GARIN1A: variants seen among roughly 807,000 people sequenced by gnomAD.
GARIN1A encodes Golgi-associated RAB2 interactor protein 1A.
At chr7:128,676,811 A>T in the GARIN1A span, among the ~76,000 whole-genome samples, 20 of 152,172 alleles carry the variant, frequency 1.3e-4, no homozygotes, top group African/African-American at 4.3e-4. Flanking sequence ...ACTTAATAAG[A>T]TCTAAACTTG....
At chr7:128,673,439 A>G in the GARIN1A span, among the ~76,000 whole-genome samples, 139 of 152,326 alleles carry the variant, frequency 9.1e-4, no homozygotes, top group African/African-American at 3.2e-3. Flanking sequence ...CCATTCTTTG[A>G]GAGACTGCTG....
the GARIN1A span, chr7:128,672,690 A>C: frequency 1.4e-6 from 1 of 740,324 alleles, no homozygotes; most frequent in Non-Finnish European, 2.2e-6. Context: ...AAGCTAGAGA[A>C]AACCAGAAGG....
the GARIN1A span, among the ~76,000 whole-genome samples, chr7:128,704,306 AC>A: frequency 8.6e-6 from 1 of 116,510 alleles, no homozygotes; most frequent in African/African-American, 3.1e-5. Flanking sequence ...AGTTAGAGTA[AC>A]CTTTTTTTTT....
chr7:128,688,929 T>C, the GARIN1A span, among the ~76,000 whole-genome samples: 1 of 151,006 alleles, frequency 6.6e-6, no homozygotes, highest in Non-Finnish European at 1.5e-5. Context: ...GCCTGCCGAG[T>C]GCCTGCGATT....
At chr7:128,677,932 A>G in the GARIN1A span, 1 of 850,634 alleles carries the variant, frequency 1.2e-6, no homozygotes, top group Non-Finnish European at 1.7e-6. Context: ...TGTAAATATC[A>G]TTTTGATAAT....
chr7:128,671,640 T>A, the GARIN1A span, among the ~76,000 whole-genome samples: 1 of 104,522 alleles, frequency 9.6e-6, no homozygotes, highest in Non-Finnish European at 1.9e-5. Context: ...AGCAAAACTC[T>A]GTCTCAAAAA....
At chr7:128,689,740 G>A in the GARIN1A span, among the ~76,000 whole-genome samples, 24,859 of 104,590 alleles carry the variant, frequency 0.24, 3,756 homozygotes, top group Middle Eastern at 0.36. Context: ...CGGGAGGGAG[G>A]TGGGGGTCAG....
chr7:128,695,790 C>T, the GARIN1A span, among the ~76,000 whole-genome samples: 5 of 152,066 alleles, frequency 3.3e-5, no homozygotes, highest in African/African-American at 7.2e-5. The surrounding 1 kb of genome is among the most constrained non-coding windows in gnomAD (Gnocchi z 4.5). Flanking sequence ...GTGATCTGTC[C>T]GCCTCGGCCT....
chr7:128,676,592 GTTTC>G, the GARIN1A span, among the ~76,000 whole-genome samples: 1 of 151,860 alleles, frequency 6.6e-6, no homozygotes, highest in Non-Finnish European at 1.5e-5. Context: ...ATTTAGAAAT[GTTTC>G]TTTGTCAATA....
the GARIN1A span, among the ~76,000 whole-genome samples, chr7:128,676,486 C>T: frequency 1.5e-4 from 23 of 151,502 alleles, no homozygotes; most frequent in African/African-American, 5.6e-4. Flanking sequence ...GACACGTTTC[C>T]ATGTCTTTTA....
the GARIN1A span, chr7:128,675,578 C>T: frequency 1.5e-6 from 2 of 1,301,664 alleles, no homozygotes; most frequent in African/African-American, 2.9e-5. Context: ...AGTGTGTGCA[C>T]ACCTGCCCCC....
the GARIN1A span, among the ~76,000 whole-genome samples, chr7:128,696,796 G>A: frequency 0.27 from 41,110 of 152,072 alleles, 5,929 homozygotes; most frequent in East Asian, 0.54. Context: ...ACGGCATTCT[G>A]GCAGTTGAGG....
chr7:128,697,209 G>A, the GARIN1A span, among the ~76,000 whole-genome samples: 4 of 152,176 alleles, frequency 2.6e-5, no homozygotes, highest in African/African-American at 7.2e-5. Context: ...GAAAAGACAG[G>A]CGGCTCCTGC....
chr7:128,686,127 C>T, the GARIN1A span: 1 of 152,030 alleles, frequency 6.6e-6, no homozygotes, highest in African/African-American at 2.4e-5. Flanking sequence ...ACAGAAGAAT[C>T]TCTTGAACCT....
chr7:128,687,213 T>G, the GARIN1A span: 7 of 152,358 alleles, frequency 4.6e-5, 1 homozygote, highest in Admixed American at 1.3e-4. Flanking sequence ...TTTATAGCAT[T>G]TCTCACCCAA....
At chr7:128,706,038 CCTCT>C in the GARIN1A span, among the ~76,000 whole-genome samples, 1 of 151,520 alleles carries the variant, frequency 6.6e-6, no homozygotes, top group Non-Finnish European at 1.5e-5. Flanking sequence ...TCTCTCTCTC[CCTCT>C]CTCTCTCATC....
the GARIN1A span, among the ~76,000 whole-genome samples, chr7:128,689,063 G>A: frequency 4.7e-4 from 72 of 151,628 alleles, no homozygotes; most frequent in African/African-American, 1.7e-3. Flanking sequence ...TCAGCCTCCC[G>A]AGGTGCCGGG....
the GARIN1A span, chr7:128,693,836 T>A: frequency 6.3e-6 from 1 of 158,758 alleles, no homozygotes; most frequent in Non-Finnish European, 1.4e-5. Context: ...ACATGCCGCA[T>A]GGAGGACTTT....
chr7:128,687,181 A>G, the GARIN1A span: 1 of 152,192 alleles, frequency 6.6e-6, no homozygotes, highest in East Asian at 1.9e-4. Flanking sequence ...TGTGCCTTAC[A>G]TGTGCCTTGT....
Sources: allele counts gnomAD v4.1 joint callset (sites outside exome capture counted in the v4.1 genomes callset), GRCh38; gene constraint gnomAD v4.1.1; non-coding constraint Gnocchi (gnomAD v3.1); transcripts MANE v1.5; gene names NCBI Gene and HGNC (gene_info 2026-07-23, HGNC 2026-07-21).